TBCD: variants seen among roughly 807,000 people sequenced by gnomAD.
The protein encoded by TBCD is tubulin-specific chaperone D.
Under a neutral mutation model 169.3 loss-of-function variants are expected in TBCD, and 105 were observed. The observed-to-expected ratio is 0.62, with a 90% confidence interval of 0.53 to 0.73. The LOEUF (loss-of-function observed/expected upper bound fraction) is 0.73. TBCD is among the 30% of genes least tolerant of loss of function. The pLI is 0.00. For missense variants in TBCD, 1,444 were observed against 1,600.1 expected, an observed-to-expected ratio of 0.90 and a Z score of 1.66; for synonymous variants, 700 against 643.9, an observed-to-expected ratio of 1.09 and a Z score of -1.32.
intron 17 of TBCD, among the ~76,000 whole-genome samples, chr17:82,897,395 G>A (rs1033669150): frequency 2.6e-5 from 4 of 151,836 alleles, no homozygotes; most frequent in African/African-American, 9.7e-5. Flanking sequence ...GCGCACCCCT[G>A]TAATCCCAGC....
At chr17:82,929,783 C>A (rs1353394823) in intron 32 of TBCD, 85 of 558,720 alleles carry the variant, frequency 1.5e-4, no homozygotes, top group African/African-American at 1.9e-5. Context: ...GGGGTTCAAT[C>A]CTCCAGGACC....
intron 38 of TBCD, 139 bp from the exon 39 acceptor site, chr17:82,942,310 T>C: frequency 8.1e-7 from 1 of 1,233,968 alleles, no homozygotes. Flanking sequence ...GGCTGCCGGG[T>C]GTGTGGGAAA....
intron 12 of TBCD, among the ~76,000 whole-genome samples, chr17:82,810,401 C>G (rs963959980): frequency 6.6e-6 from 1 of 152,206 alleles, no homozygotes; most frequent in African/African-American, 2.4e-5. Context: ...GATGGTGCCA[C>G]TGCTGCACTC....
chr17:82,892,035 C>G (rs1048625424), intron 16 of TBCD, among the ~76,000 whole-genome samples: 8 of 152,180 alleles, frequency 5.3e-5, no homozygotes, highest in Non-Finnish European at 1.0e-4. Flanking sequence ...CCCCCACTTC[C>G]CCCCTGCACA....
rs76786503 is a variant in TBCD, at chr17:82,826,410, C to T, written c.1318+11476C>T. The stretch of plus-strand genomic sequence containing the variant: ...TAGTTTGAGTTATCTTTTGATGAGT[C>T]AGGCTTTTTTTGTTTTTATTTTTTG... On this transcript the variant is annotated intron_variant, in intron 13 of 38. Transcript: ENST00000355528. Among the ~76,000 whole-genome samples, 942 of 152,106 alleles carry T rather than the reference C, an allele frequency of 6.2e-3. 5 individuals carry two copies. The highest frequency in any genetic ancestry group is 0.011 in the Non-Finnish European group (715 of 67,984).
chr17:82,774,637 A>AC (rs550898757), intron 6 of TBCD, among the ~76,000 whole-genome samples: 33 of 151,862 alleles, frequency 2.2e-4, no homozygotes, highest in African/African-American at 6.8e-4. Flanking sequence ...GGGCAGAGGC[A>AC]CCCCCCACCT....
At chr17:82,939,893 C>T (rs761502952) in intron 37 of TBCD, among the ~76,000 whole-genome samples, 1 of 152,184 alleles carries the variant, frequency 6.6e-6, no homozygotes, top group Non-Finnish European at 1.5e-5. Flanking sequence ...AAAAGCTCTC[C>T]CCACGCCTCT....
At chr17:82,755,210 G>C (rs922702024) in intron 1 of TBCD, among the ~76,000 whole-genome samples, 1 of 152,196 alleles carries the variant, frequency 6.6e-6, no homozygotes. Flanking sequence ...GGATTGTCTA[G>C]GTTAAGATAA....
chr17:82,893,656 A>G, intron 17 of TBCD, 24 bp downstream of exon 17: 1 of 1,504,308 alleles, frequency 6.6e-7, no homozygotes, highest in Non-Finnish European at 9.1e-7. Flanking sequence ...GTATATCACA[A>G]AAATAGAATA....
intron 33 of TBCD, 87 bp from the exon 34 acceptor site, chr17:82,932,571 C>T (rs1163747350): frequency 9.2e-7 from 1 of 1,081,194 alleles, no homozygotes. Context: ...TCGCTTTCCA[C>T]TGGGATCCTG....
intron 14 of TBCD, among the ~76,000 whole-genome samples, chr17:82,883,591 C>T (rs779984802): frequency 4.6e-5 from 7 of 152,248 alleles, no homozygotes; most frequent in East Asian, 1.9e-4. Flanking sequence ...CTCTGCCAGA[C>T]GCCTTGTCTT....
rs186238011 is a variant in TBCD at position 82,824,764 on chromosome 17, A to T, written c.1318+9830A>T. Among the ~76,000 whole-genome samples the T allele has an allele frequency of 2.2e-3, 333 of 151,658 alleles. 2 individuals are homozygous for T. The highest frequency in any genetic ancestry group is 7.8e-3 in the African/African-American group (323 of 41,432). Reference sequence around the variant, plus strand: ...ACATGGATACAAGAACCTGTTTGACACCCCTTTTTTTAGTTCCTTTGGGTA... The same window carrying T: ...ACATGGATACAAGAACCTGTTTGACTCCCCTTTTTTTAGTTCCTTTGGGTA... On this transcript the variant is annotated intron_variant, in intron 13 of 38. Coordinates refer to ENST00000355528, the MANE Select transcript of TBCD (RefSeq NM_005993.5).
At chr17:82,767,339 G>A (rs1349917993) in intron 4 of TBCD, among the ~76,000 whole-genome samples, 3 of 152,102 alleles carry the variant, frequency 2.0e-5, no homozygotes, top group African/African-American at 7.2e-5. Flanking sequence ...TACTTCTAGC[G>A]CCCCCCAGTG....
Position 82,889,161 on chromosome 17 carries a change from A to G in TBCD, c.1534-507A>G, listed in dbSNP as rs1478215800. ...GAAGCACTTCATCCTGTTGAAGTTC[A>G]CATTTTGACCTTTTCAGCAGCCCTT... On this transcript the variant is annotated intron_variant, in intron 15 of 38. Transcript: ENST00000355528. The surrounding 1 kb of genome is among the most constrained non-coding windows in gnomAD (Gnocchi z 5.3). Among the ~76,000 whole-genome samples the G allele has an allele frequency of 6.6e-6, 1 of 152,196 alleles. No homozygotes were observed. The highest frequency in any genetic ancestry group is 6.5e-5 in the Admixed American group (1 of 15,288).
chr17:82,841,781 G>A (rs1376738202), intron 13 of TBCD, among the ~76,000 whole-genome samples: 2 of 152,174 alleles, frequency 1.3e-5, no homozygotes, highest in Non-Finnish European at 2.9e-5. Flanking sequence ...GACACTGACT[G>A]AGGTGGCTCC....
chr17:82,913,585 A>G (rs12947897), intron 23 of TBCD: 67,579 of 152,034 alleles, frequency 0.44, 15,374 homozygotes, highest in African/African-American at 0.54. Context: ...GAGTCCCTGT[A>G]GCTGGCGGCG....
rs964608578 is a variant in TBCD at position 82,945,248 on chromosome 17, A to G, written c.*2785A>G. The G allele has an allele frequency of 6.6e-6, 1 of 152,268 alleles. No homozygotes were observed. Among genetic ancestry groups the G allele is most frequent in the African/African-American group, 2.4e-5 (1 of 41,474 alleles). 9.4% of individuals were successfully genotyped at this position (152,268 alleles called of 1,614,324 possible). A position where few individuals can be genotyped will look rare whatever the true frequency, so the allele number is the denominator to read the frequency against. On this transcript the variant is annotated 3_prime_UTR_variant, in exon 39 of 39. Coordinates refer to ENST00000355528, the MANE Select transcript of TBCD (RefSeq NM_005993.5). ...TGGAAGATCTGAAAACATTATCCAGAGAACTGGAAGATATGACAGCAACAT... is the reference window on the plus strand; with the variant it reads ...TGGAAGATCTGAAAACATTATCCAGGGAACTGGAAGATATGACAGCAACAT...
chr17:82,917,596 AG>A (rs2061141288), intron 23 of TBCD, among the ~76,000 whole-genome samples: 1 of 152,158 alleles, frequency 6.6e-6, no homozygotes, highest in Non-Finnish European at 1.5e-5. Context: ...TCTCCCAGAG[AG>A]ACTTGATGTT....
Position 82,909,782 on chromosome 17 carries a change from C to T in TBCD, c.2006+475C>T, listed in dbSNP as rs186933058. Among the ~76,000 whole-genome samples the T allele has an allele frequency of 4.6e-5, 7 of 152,366 alleles. No homozygotes were observed. In the East Asian group the frequency reaches 1.2e-3, roughly 25 times the overall value. ...CTCTGCAGGTGTCATCGCGTTTCCT[C>T]GTTCCCAGGACTTGCTGGTCATAGG... On this transcript the variant is annotated intron_variant, in intron 22 of 38. Transcript: ENST00000355528.
Sources: allele counts gnomAD v4.1 joint callset (sites outside exome capture counted in the v4.1 genomes callset), GRCh38; gene constraint gnomAD v4.1.1; non-coding constraint Gnocchi (gnomAD v3.1); transcripts MANE v1.5; gene names NCBI Gene and HGNC (gene_info 2026-07-23, HGNC 2026-07-21).